Variants in RFC3 observed in about 807,000 individuals in gnomAD.
RFC3 encodes the protein A1 38 kDa subunit.
A neutral mutation model predicts 45.1 loss-of-function variants in RFC3; 41 were observed. The ratio of observed to expected loss-of-function variants is 0.91; its 90% confidence interval spans 0.71 to 1.18. RFC3 has a LOEUF of 1.18. RFC3 is among the 50% of genes most tolerant of loss of function. RFC3 has a pLI of 0.00. For missense variants in RFC3, 423 were observed against 428.1 expected, an observed-to-expected ratio of 0.99 and a Z score of 0.10; for synonymous variants, 149 against 144.0, an observed-to-expected ratio of 1.03 and a Z score of -0.25.
intron 8 of RFC3, among the ~76,000 whole-genome samples, chr13:33,933,156 T>C (rs2082863159): frequency 6.6e-6 from 1 of 152,154 alleles, no homozygotes; most frequent in East Asian, 1.9e-4. Flanking sequence ...CAATACATTC[T>C]TCAGATCTGT....
chr13:33,968,034 C>T (rs913231547), downstream of RFC3, among the ~76,000 whole-genome samples: 6 of 152,318 alleles, frequency 3.9e-5, no homozygotes, highest in East Asian at 9.6e-4. Flanking sequence ...ATTTTATTGT[C>T]ACCCATGAAG....
chr13:33,829,646 G>A, intron 4 of RFC3, 190 bp from the exon 5 acceptor site: 1 of 602,320 alleles, frequency 1.7e-6, no homozygotes, highest in Non-Finnish European at 2.9e-6. Flanking sequence ...AGAAACTGGA[G>A]TATGATTGTA....
chr13:33,826,828 C>A (rs2082053739), intron 4 of RFC3, among the ~76,000 whole-genome samples: 1 of 151,572 alleles, frequency 6.6e-6, no homozygotes, highest in Non-Finnish European at 1.5e-5. Flanking sequence ...ACTTTTTCTT[C>A]TCTAATTATG....
At chr13:33,890,166 G>A (rs1274818677) in intron 8 of RFC3, among the ~76,000 whole-genome samples, 2 of 152,146 alleles carry the variant, frequency 1.3e-5, no homozygotes, top group East Asian at 1.9e-4. Flanking sequence ...TGTGTGGGGT[G>A]GGTAGGGTCC....
rs192262792 is a variant in RFC3, at chr13:33,916,476, G to T, written c.880-49611G>T. Reference sequence around the variant, plus strand: ...AAGAGGACTGGATCACACAAAGTCAGATTTCACCTGGGTAGAAAGCATTCT... The same window carrying T: ...AAGAGGACTGGATCACACAAAGTCATATTTCACCTGGGTAGAAAGCATTCT... On this transcript the variant is annotated intron_variant, in intron 8 of 8. Coordinates refer to the RFC3 transcript ENST00000434425. Among the ~76,000 whole-genome samples, 35 of 152,252 alleles carry T rather than the reference G, an allele frequency of 2.3e-4. No homozygotes were observed. In the East Asian group the frequency reaches 6.8e-3, roughly 30 times the overall value.
chr13:33,873,349 C>G (rs181358645), intron 8 of RFC3, among the ~76,000 whole-genome samples: 1 of 152,100 alleles, frequency 6.6e-6, no homozygotes, highest in Non-Finnish European at 1.5e-5. Context: ...TAGAAAAGTT[C>G]GAGGAAGATT....
chr13:33,889,056 T>C (rs1309632914), intron 8 of RFC3, among the ~76,000 whole-genome samples: 3 of 152,074 alleles, frequency 2.0e-5, no homozygotes, highest in African/African-American at 4.8e-5. Flanking sequence ...TTAAAGAAAA[T>C]CTTAAATTTG....
intron 8 of RFC3, among the ~76,000 whole-genome samples, chr13:33,956,526 T>A (rs2083022989): frequency 6.6e-6 from 1 of 152,234 alleles, no homozygotes; most frequent in African/African-American, 2.4e-5. Context: ...TGTTCTAACC[T>A]ACAAATAAAA....
intron 8 of RFC3, among the ~76,000 whole-genome samples, chr13:33,904,417 A>G (rs1191104526): frequency 2.0e-5 from 3 of 152,000 alleles, no homozygotes; most frequent in Non-Finnish European, 2.9e-5. Flanking sequence ...TAGTGTCCCA[A>G]CATGTGTTCT....
At chr13:33,933,250 A>G (rs1184795635) in intron 8 of RFC3, among the ~76,000 whole-genome samples, 2 of 152,134 alleles carry the variant, frequency 1.3e-5, no homozygotes, top group Non-Finnish European at 2.9e-5. Flanking sequence ...TTTTAGTATT[A>G]GAGGTCAGAA....
intron 8 of RFC3, among the ~76,000 whole-genome samples, chr13:33,925,197 T>C (rs1264786489): frequency 7.4e-6 from 1 of 135,862 alleles, no homozygotes; most frequent in East Asian, 2.2e-4. Context: ...TAGTGTACTA[T>C]ATACATACAC....
At chr13:33,953,315 G>A (rs1363044364) in intron 8 of RFC3, among the ~76,000 whole-genome samples, 33 of 106,782 alleles carry the variant, frequency 3.1e-4, no homozygotes, top group Non-Finnish European at 4.4e-4. Flanking sequence ...GGAGTGTGGT[G>A]TTGCTCTTTA....
At chr13:33,943,543 C>T (rs1000530414) in intron 8 of RFC3, among the ~76,000 whole-genome samples, 1 of 152,162 alleles carries the variant, frequency 6.6e-6, no homozygotes, top group African/African-American at 2.4e-5. Context: ...ATCCTAATTA[C>T]CACGATTTGA....
rs115415385 is a variant in RFC3, at chr13:33,852,288, A to G, written c.879+17071A>G. Among the ~76,000 whole-genome samples the G allele has an allele frequency of 9.0e-3, 1,378 of 152,302 alleles. 14 individuals are homozygous for G. Among genetic ancestry groups the G allele is most frequent in the African/African-American group, 0.032 (1,327 of 41,560 alleles). ...TATTTAATTCTCATCTTTGAGAAGA[A>G]TCAGTGAACCTACTTGACGTGGCTC... On this transcript the variant is annotated intron_variant, in intron 8 of 8. Transcript: ENST00000434425.
At chr13:33,844,154 G>C (rs1001608015) in intron 8 of RFC3, among the ~76,000 whole-genome samples, 1 of 152,190 alleles carries the variant, frequency 6.6e-6, no homozygotes, top group Non-Finnish European at 1.5e-5. Context: ...TGCAGAATTA[G>C]GGTTCAAGCT....
chr13:33,857,870 A>G (rs2082317532), intron 8 of RFC3, among the ~76,000 whole-genome samples: 1 of 152,240 alleles, frequency 6.6e-6, no homozygotes, highest in Admixed American at 6.5e-5. Context: ...TCTTAAGGAC[A>G]GCATGAAGAG....
chr13:33,856,069 G>C (rs1407735124), intron 8 of RFC3, among the ~76,000 whole-genome samples: 1 of 152,050 alleles, frequency 6.6e-6, no homozygotes. Context: ...ATGACATTTC[G>C]TAGGTTGTCT....
intron 8 of RFC3, among the ~76,000 whole-genome samples, chr13:33,907,184 A>G (rs116814008): frequency 6.6e-6 from 1 of 152,100 alleles, no homozygotes; most frequent in African/African-American, 2.4e-5. Flanking sequence ...ACTGAGTTCT[A>G]GTTCTAATCA....
intron 8 of RFC3, among the ~76,000 whole-genome samples, chr13:33,932,516 T>TCA (rs2082859110): frequency 6.6e-6 from 1 of 152,132 alleles, no homozygotes; most frequent in Admixed American, 6.6e-5. Flanking sequence ...TACTAAAATG[T>TCA]GTTAGTCTGC....
Sources: allele counts gnomAD v4.1 joint callset (sites outside exome capture counted in the v4.1 genomes callset), GRCh38; gene constraint gnomAD v4.1.1; transcripts MANE v1.5; gene names NCBI Gene and HGNC (gene_info 2026-07-23, HGNC 2026-07-21).